The following SEMA3C variants were observed in gnomAD, a reference collection of about 807,000 sequenced individuals.
SEMA3C encodes semaphorin-3C.
In SEMA3C, 47 loss-of-function variants were observed where a neutral mutation model predicts 89.4. The observed-to-expected ratio is 0.53, with a 90% CI of 0.42 to 0.67. SEMA3C has a LOEUF of 0.67. Among genes scored for constraint, SEMA3C ranks in the 30% least tolerant of loss-of-function variants. SEMA3C has a pLI of 0.00. For synonymous variants in SEMA3C, 310 were observed against 320.2 expected, an observed-to-expected ratio of 0.97 and a Z score of 0.34; for missense variants, 839 against 929.1, an observed-to-expected ratio of 0.90 and a Z score of 1.26.
intron 14 of SEMA3C, 83 bp downstream of exon 14, chr7:80,761,533 T>C (rs1788182371): frequency 2.7e-6 from 2 of 747,264 alleles, no homozygotes; most frequent in South Asian, 3.4e-5. Context: ...CGATAACTAA[T>C]TATTCAGAAG....
chr7:80,883,918 T>A (rs950713766), intron 2 of SEMA3C, among the ~76,000 whole-genome samples: 4 of 152,214 alleles, frequency 2.6e-5, no homozygotes, highest in Non-Finnish European at 5.9e-5. Flanking sequence ...AGAAATGTTT[T>A]TAAGAGTCTG....
chr7:80,830,420 T>C (rs1380228046), intron 2 of SEMA3C, among the ~76,000 whole-genome samples: 1 of 152,198 alleles, frequency 6.6e-6, no homozygotes, highest in Admixed American at 6.5e-5. Flanking sequence ...TCATGATTTT[T>C]AAGAAAAACA....
At chr7:80,894,688 G>C (rs1791692280) in intron 2 of SEMA3C, among the ~76,000 whole-genome samples, 2 of 151,868 alleles carry the variant, frequency 1.3e-5, no homozygotes, top group South Asian at 4.2e-4. Context: ...CTTGTTTTAG[G>C]TCCCCAAACT....
chr7:80,918,162 C>T (rs1280385268), intron 1 of SEMA3C: 1 of 152,164 alleles, frequency 6.6e-6, no homozygotes, highest in Non-Finnish European at 1.5e-5. Context: ...GTGACTTTCC[C>T]TCAGTAATTT....
At chr7:80,757,397 T>G (rs998403208) in intron 15 of SEMA3C, among the ~76,000 whole-genome samples, 12 of 152,352 alleles carry the variant, frequency 7.9e-5, no homozygotes, top group African/African-American at 2.9e-4. Flanking sequence ...GTCGATGCAG[T>G]TTCCCACCTA....
rs1375158859 is a variant in SEMA3C, at chr7:80,918,859, A to G, written c.-70T>C. 1.0e-6 allele frequency: 1 copy of G among 985,376 alleles called. No individual in the cohort carries two copies. Among genetic ancestry groups the G allele is most frequent in the Admixed American group, 6.1e-5 (1 of 16,270 alleles). 61.0% of individuals were successfully genotyped at this position (985,376 alleles called of 1,614,324 possible). ...TGAAAGAAATCAGCACGGAAAAGTC[A>G]TCAGTTTGCTACCGGGGTTGGATGC... On this transcript the variant is annotated 5_prime_UTR_variant, in exon 1 of 18. The change abolishes an upstream ATG in the 5' untranslated region. Transcript: ENST00000265361.
intron 2 of SEMA3C, among the ~76,000 whole-genome samples, chr7:80,856,366 A>G (rs1039300917): frequency 6.6e-6 from 1 of 151,972 alleles, no homozygotes; most frequent in Non-Finnish European, 1.5e-5. Flanking sequence ...CTGAACAAAA[A>G]AGCAACATGA....
chr7:80,745,177 T>C lies in SEMA3C; in HGVS notation c.1973A>G (p.Asn658Ser), dbSNP rs762467451. 4 of 1,614,070 alleles carry C rather than the reference T, an allele frequency of 2.5e-6. No homozygotes were observed. The highest frequency in any genetic ancestry group is 4.5e-5 in the East Asian group (2 of 44,860). Residue 658 changes from asparagine to serine, a missense_variant, in exon 18 of 18, where the codon AAC (asparagine) becomes AGC (serine). Physicochemically the swap from Asn to Ser is conservative, Grantham distance 46 (BLOSUM62 1). Transcript: ENST00000265361. ...NSFKQTIAKI[N>S]FKVLDSEMVA... ...CATTTCTGAATCTAAAACTTTGAAG[T>C]TGATCTTGGCTATGGTCTGCTTGAA...
chr7:80,852,007 AC>A (rs1273351318), intron 2 of SEMA3C, among the ~76,000 whole-genome samples: 2 of 152,152 alleles, frequency 1.3e-5, no homozygotes, highest in African/African-American at 4.8e-5. Flanking sequence ...CACTTCTGAA[AC>A]CCTTGATCTT....
At chr7:80,869,884 G>C (rs1174597752) in intron 2 of SEMA3C, among the ~76,000 whole-genome samples, 2 of 152,066 alleles carry the variant, frequency 1.3e-5, no homozygotes, top group African/African-American at 4.8e-5. Flanking sequence ...TCCAACTTCA[G>C]GTACTTCTAC....
intron 2 of SEMA3C, among the ~76,000 whole-genome samples, chr7:80,901,029 C>T (rs562867356): frequency 6.6e-6 from 1 of 152,266 alleles, no homozygotes; most frequent in Non-Finnish European, 1.5e-5. Context: ...CTAAACAGTT[C>T]TGGCATAACT....
chr7:80,826,451 A>G lies in SEMA3C; in HGVS notation c.327+974T>C, dbSNP rs76862461. The stretch of plus-strand genomic sequence containing the variant: ...CCAGCTTATTTCTAAATTAGTTTGT[A>G]TATCTATGCTCATTTGATTATGGCA... On this transcript the variant is annotated intron_variant, in intron 4 of 17. Coordinates refer to ENST00000265361, the MANE Select transcript of SEMA3C (RefSeq NM_006379.5). 5.1e-3 allele frequency among the ~76,000 whole-genome samples: 773 copies of G among 152,268 alleles called. 24 individuals are homozygous for G. The East Asian group carries it at 0.091, about 18-fold the overall frequency.
intron 13 of SEMA3C, among the ~76,000 whole-genome samples, chr7:80,762,547 A>T (rs1189867122): frequency 1.3e-5 from 2 of 152,196 alleles, no homozygotes; most frequent in East Asian, 3.9e-4. Flanking sequence ...GGTGGGGTGC[A>T]GTGGCTCACG....
chr7:80,803,070 A>G (rs1789247507), intron 8 of SEMA3C, among the ~76,000 whole-genome samples: 1 of 152,156 alleles, frequency 6.6e-6, no homozygotes, highest in Non-Finnish European at 1.5e-5. Context: ...TATTTATATA[A>G]TGTTATAGAA....
chr7:80,920,246 C>T (rs1242815042), upstream of SEMA3C, among the ~76,000 whole-genome samples: 1 of 152,166 alleles, frequency 6.6e-6, no homozygotes, highest in African/African-American at 2.4e-5. Context: ...GATGTTTAAA[C>T]ATCGGGAGAA....
chr7:80,788,394 C>T (rs1788852763), intron 12 of SEMA3C, among the ~76,000 whole-genome samples: 2 of 152,180 alleles, frequency 1.3e-5, no homozygotes, highest in Admixed American at 6.5e-5. Flanking sequence ...GTGTGAAAGA[C>T]GTGAGTAGTG....
chr7:80,785,982 A>T (rs753848721), intron 12 of SEMA3C, among the ~76,000 whole-genome samples: 5 of 152,154 alleles, frequency 3.3e-5, no homozygotes, highest in Non-Finnish European at 5.9e-5. Flanking sequence ...AAAAATTATA[A>T]TGCAGCCGGT....
intron 2 of SEMA3C, among the ~76,000 whole-genome samples, chr7:80,914,327 A>G (rs1480930947): frequency 1.3e-5 from 2 of 152,188 alleles, no homozygotes; most frequent in East Asian, 3.8e-4. Context: ...ACTTGGTACA[A>G]TAGTCAATGA....
In SEMA3C at chr7:80,780,384, G is replaced by A. The variant is rs544278806; in HGVS notation, c.1354+8922C>T. 2.0e-4 allele frequency among the ~76,000 whole-genome samples: 30 copies of A among 152,218 alleles called. 1 individual carries two copies. Among genetic ancestry groups the A allele is most frequent in the African/African-American group, 6.3e-4 (26 of 41,502 alleles). On this transcript the variant is annotated intron_variant, in intron 12 of 17. Coordinates refer to ENST00000265361, the MANE Select transcript of SEMA3C (RefSeq NM_006379.5). Reference sequence around the variant, plus strand: ...TATATTACTATGTTATTCTATACTGGTTGAGAAAGAGCTCTAGAACATAAC... The same window carrying A: ...TATATTACTATGTTATTCTATACTGATTGAGAAAGAGCTCTAGAACATAAC...
Sources: allele counts gnomAD v4.1 joint callset (sites outside exome capture counted in the v4.1 genomes callset), GRCh38; gene constraint gnomAD v4.1.1; transcripts MANE v1.5; gene names NCBI Gene and HGNC (gene_info 2026-07-23, HGNC 2026-07-21).